Variants in PCSK6 observed in about 807,000 individuals in gnomAD.
PCSK6 encodes the protein paired basic amino acid cleaving enzyme 4.
A neutral mutation model predicts 123.3 loss-of-function variants in PCSK6; 85 were observed. That is an observed-to-expected ratio of 0.69 (90% CI 0.58 to 0.83). The LOEUF is 0.83. Ranked by LOEUF, PCSK6 falls within the 40% of genes least tolerant of loss-of-function variation. PCSK6 has a pLI of 0.00. For synonymous variants in PCSK6, 508 were observed against 516.0 expected (o/e 0.98, Z 0.21); for missense variants, 1,191 against 1,282.3 (o/e 0.93, Z 1.09).
chr15:101,438,549 C>T (rs1258128852), intron 2 of PCSK6, among the ~76,000 whole-genome samples: 1 of 152,182 alleles, frequency 6.6e-6, no homozygotes, highest in Admixed American at 6.5e-5. Context: ...AAGAGATGGG[C>T]TTGCATGCTT....
At chr15:101,352,947 T>C (rs140862801) in intron 13 of PCSK6, among the ~76,000 whole-genome samples, 7 of 152,340 alleles carry the variant, frequency 4.6e-5, no homozygotes, top group African/African-American at 1.4e-4. Context: ...AATGTTCTAC[T>C]GCAGTGGTTC....
intron 1 of PCSK6, among the ~76,000 whole-genome samples, chr15:101,452,642 G>T (rs1174699944): frequency 1.3e-5 from 2 of 152,178 alleles, no homozygotes; most frequent in Non-Finnish European, 1.5e-5. Flanking sequence ...ACGTGGAATC[G>T]AGCCCGTGGG....
intron 7 of PCSK6, among the ~76,000 whole-genome samples, chr15:101,394,053 T>A (rs1288416650): frequency 6.6e-6 from 1 of 151,912 alleles, no homozygotes; most frequent in Non-Finnish European, 1.5e-5. Flanking sequence ...GTCTCTGCAG[T>A]GGGTAAGTAT....
intron 6 of PCSK6, among the ~76,000 whole-genome samples, chr15:101,402,652 C>G (rs1157696003): frequency 1.3e-5 from 2 of 152,122 alleles, no homozygotes; most frequent in Non-Finnish European, 2.9e-5. Flanking sequence ...TTTATGCAGC[C>G]AAAAGACACA....
chr15:101,329,700 C>T (rs936712273), intron 15 of PCSK6, among the ~76,000 whole-genome samples: 1 of 152,248 alleles, frequency 6.6e-6, no homozygotes, highest in Non-Finnish European at 1.5e-5. Context: ...GCTTCCCTTG[C>T]AGTCCTGTGT....
chr15:101,307,198 C>T lies in PCSK6; in HGVS notation c.2812+15G>A, dbSNP rs752238869. The stretch of plus-strand genomic sequence containing the variant: ...CCTCCACAGGCAGCCCCAGGGTAAC[C>T]CAGCTGCTGCTCACCGTTGCTGCAC... On this transcript the variant is annotated intron_variant, in intron 21 of 21. Transcript: ENST00000611716. The T allele has an allele frequency of 1.9e-6, 3 of 1,601,036 alleles. No individual in the cohort carries two copies. The highest frequency in any genetic ancestry group is 2.6e-6 in the Non-Finnish European group (3 of 1,169,518).
At chr15:101,412,813 C>T (rs1235993547) in intron 6 of PCSK6, among the ~76,000 whole-genome samples, 1 of 151,498 alleles carries the variant, frequency 6.6e-6, no homozygotes, top group East Asian at 1.9e-4. Context: ...CTTCATGTCA[C>T]TAGAGTGGAC....
intron 1 of PCSK6, among the ~76,000 whole-genome samples, chr15:101,474,424 C>G (rs541884614): frequency 6.6e-6 from 1 of 152,314 alleles, no homozygotes; most frequent in African/African-American, 2.4e-5. Flanking sequence ...GCGGTGATCA[C>G]TGGGGTGCGC....
intron 1 of PCSK6, among the ~76,000 whole-genome samples, chr15:101,484,005 C>G (rs965282333): frequency 2.0e-5 from 3 of 152,142 alleles, no homozygotes; most frequent in African/African-American, 7.2e-5. Flanking sequence ...TTATGTGTAT[C>G]TGTGTATATG....
chr15:101,312,897 C>T (rs575637522), intron 20 of PCSK6: 5 of 332,092 alleles, frequency 1.5e-5, no homozygotes, highest in East Asian at 1.4e-4. Flanking sequence ...CCCAGCTACT[C>T]GGGAGGCTGA....
At chr15:101,488,961 A>T (rs1429802413) in intron 1 of PCSK6, among the ~76,000 whole-genome samples, 1 of 147,252 alleles carries the variant, frequency 6.8e-6, no homozygotes, top group Non-Finnish European at 1.5e-5. Flanking sequence ...CCCGCGGGGG[A>T]GAGCCGGGTG....
At chr15:101,357,775 G>A (rs866313909) in intron 13 of PCSK6, among the ~76,000 whole-genome samples, 3 of 152,176 alleles carry the variant, frequency 2.0e-5, no homozygotes, top group Non-Finnish European at 4.4e-5. Context: ...GGGTAGACAC[G>A]GATTTTCACC....
intron 1 of PCSK6, among the ~76,000 whole-genome samples, chr15:101,482,521 G>A (rs899228679): frequency 6.6e-6 from 1 of 152,198 alleles, no homozygotes; most frequent in African/African-American, 2.4e-5. Context: ...GCCACAATCT[G>A]TGTAGAGGCT....
At chr15:101,431,193 G>C in intron 4 of PCSK6, 127 bp downstream of exon 4, 1 of 961,306 alleles carries the variant, frequency 1.0e-6, no homozygotes, top group Non-Finnish European at 1.6e-6. Flanking sequence ...TTCCAGCATA[G>C]TTTTCTTTAC....
At chr15:101,411,746 G>A (rs1020463314) in intron 6 of PCSK6, among the ~76,000 whole-genome samples, 10 of 152,192 alleles carry the variant, frequency 6.6e-5, no homozygotes, top group African/African-American at 2.2e-4. Context: ...TGAGTGGCGA[G>A]CCTAGACCTC....
chr15:101,462,680 C>T (rs886871548), intron 1 of PCSK6, among the ~76,000 whole-genome samples: 9 of 152,160 alleles, frequency 5.9e-5, no homozygotes, highest in African/African-American at 1.9e-4. Context: ...ACTGATGATG[C>T]TGGGAAAAGG....
intron 11 of PCSK6, among the ~76,000 whole-genome samples, chr15:101,379,080 A>G (rs1003289170): frequency 2.6e-5 from 4 of 152,208 alleles, no homozygotes; most frequent in African/African-American, 9.6e-5. Flanking sequence ...GTGACGGGGC[A>G]CCAGCTCTGT....
At position 101,307,269 on chromosome 15, in the gene PCSK6, T is replaced by A; in HGVS notation, c.2756A>T (p.Lys919Met). Residue 919 changes from lysine (K) to methionine (M), a missense_variant, in exon 21 of 22, where the codon AAG (lysine) becomes ATG (methionine). Physicochemically the swap from Lys to Met is moderately conservative, Grantham distance 95. This residue lies in a region of PCSK6 where 630 missense variants were observed against 631.4 expected (regional missense o/e 1.00). Transcript: ENST00000611716. ...AGSSRNCSRCKTGFTQLGTSC... is the reference protein window; with the variant it reads ...AGSSRNCSRCMTGFTQLGTSC... ...GGTCCCCAGCTGTGTGAAGCCCGTC[T>A]TACACCTGCTACAGTTCCTGCTGGA... The A allele has an allele frequency of 6.2e-7, 1 of 1,613,812 alleles. No homozygotes were observed. Among genetic ancestry groups the A allele is most frequent in the East Asian group, 2.2e-5 (1 of 44,874 alleles).
rs2039691472 is a variant in PCSK6 at position 101,305,134 on chromosome 15, C to T, written c.*124G>A. 2 of 786,432 alleles carry T rather than the reference C, an allele frequency of 2.5e-6. No homozygotes were observed. Among genetic ancestry groups the T allele is most frequent in the South Asian group, 3.2e-5 (2 of 62,580 alleles). 48.7% of individuals were successfully genotyped at this position (786,432 alleles called of 1,614,324 possible). ...GCTTGGGTGCTCAGAGATGCTGCTC[C>T]TGGGGAGATAAAGCTGTCAGGTGCA... is the stretch of plus-strand genomic sequence containing the variant. On this transcript the variant is annotated 3_prime_UTR_variant, in exon 22 of 22. Coordinates refer to ENST00000611716, the MANE Select transcript of PCSK6 (RefSeq NM_002570.5). The surrounding 1 kb of genome is among the most constrained non-coding windows in gnomAD (Gnocchi z 4.8).
Sources: allele counts gnomAD v4.1 joint callset (sites outside exome capture counted in the v4.1 genomes callset), GRCh38; gene constraint gnomAD v4.1.1; regional missense constraint gnomAD v4.1.1; non-coding constraint Gnocchi (gnomAD v3.1); transcripts MANE v1.5; gene names NCBI Gene and HGNC (gene_info 2026-07-23, HGNC 2026-07-21).